Variants in FGD3 observed in about 807,000 individuals in gnomAD.
The protein encoded by FGD3 is FYVE, RhoGEF and PH domain-containing protein 3.
In FGD3, 45 loss-of-function variants were observed where a neutral mutation model predicts 71.8. The ratio of observed to expected loss-of-function variants is 0.63; its 90% CI spans 0.49 to 0.80. FGD3 has a LOEUF of 0.80. Among genes scored for constraint, FGD3 ranks in the 30% least tolerant of loss-of-function variants. FGD3 has a pLI of 0.00. For missense variants in FGD3, 844 were observed against 951.5 expected (o/e 0.89, Z 1.49); for synonymous variants, 378 against 392.8 (o/e 0.96, Z 0.44).
At chr9:93,007,351 A>G (rs1285654855) in intron 6 of FGD3, among the ~76,000 whole-genome samples, 1 of 151,988 alleles carries the variant, frequency 6.6e-6, no homozygotes, top group Non-Finnish European at 1.5e-5. Context: ...CGGCCTCCCA[A>G]AGTGCTAGGA....
At chr9:93,000,050 G>A (rs1376790530) in intron 3 of FGD3, among the ~76,000 whole-genome samples, 1 of 76,898 alleles carries the variant, frequency 1.3e-5, no homozygotes, top group Non-Finnish European at 2.3e-5. Context: ...GTGTTTAATT[G>A]ATTTTTTTTT....
intron 1 of FGD3, among the ~76,000 whole-genome samples, chr9:92,960,064 A>G (rs1859141439): frequency 6.6e-6 from 1 of 150,650 alleles, no homozygotes; most frequent in Non-Finnish European, 1.5e-5. Flanking sequence ...CCATGTCCTC[A>G]TGCCCCATAT....
intron 15 of FGD3, among the ~76,000 whole-genome samples, chr9:93,031,132 T>C (rs1264725099): frequency 6.6e-6 from 1 of 152,042 alleles, no homozygotes; most frequent in Non-Finnish European, 1.5e-5. Flanking sequence ...GATGAATGTA[T>C]GGTAGAGGAT....
chr9:93,032,399 C>T (rs756746601), intron 15 of FGD3: 17 of 211,274 alleles, frequency 8.0e-5, no homozygotes, highest in Non-Finnish European at 1.4e-4. Context: ...TGGAAAATAG[C>T]CATGCTGAGG....
chr9:93,020,640 A>G, intron 13 of FGD3: 1 of 531,262 alleles, frequency 1.9e-6, no homozygotes, highest in Admixed American at 3.1e-5. Flanking sequence ...TGTGGATGGG[A>G]TAACACCCAC....
intron 3 of FGD3, among the ~76,000 whole-genome samples, chr9:92,988,035 T>C (rs1343662913): frequency 1.3e-5 from 2 of 152,118 alleles, no homozygotes; most frequent in Non-Finnish European, 2.9e-5. Context: ...GATTTTTTGC[T>C]CCTTAGTTCA....
chr9:92,990,020 A>G (rs1206594994), intron 3 of FGD3, among the ~76,000 whole-genome samples: 1 of 145,838 alleles, frequency 6.9e-6, no homozygotes, highest in Non-Finnish European at 1.5e-5. Flanking sequence ...TTTTTCAGCT[A>G]GTTTGTTGTT....
At position 93,010,375 on chromosome 9, in the gene FGD3, G is replaced by A. The variant is rs1467026922; in HGVS notation, c.967G>A (p.Asp323Asn). 6.2e-7 allele frequency: 1 copy of A among 1,608,246 alleles called. No homozygotes were observed. The highest frequency in any genetic ancestry group is 8.5e-7 in the Non-Finnish European group (1 of 1,175,760). The part of the protein sequence containing the change: ...RLPQDAPDRK[D>N]AERSLELIST... ...CCCGCAGGACGCCCCAGACCGGAAG[G>A]ATGCGGAGAGTGAGCTGGGGCCAAG... The change falls in exon 7 of 18, where the codon GAT becomes AAT. Residue 323 changes from aspartate to asparagine, a missense_variant. Physicochemically the swap from Asp to Asn is conservative, Grantham distance 23. Transcript: ENST00000375482.
At chr9:93,009,661 A>G (rs929289359) in intron 6 of FGD3, among the ~76,000 whole-genome samples, 5 of 152,210 alleles carry the variant, frequency 3.3e-5, no homozygotes, top group African/African-American at 1.2e-4. Context: ...CATGGCAGCA[A>G]GGAGGTGCTG....
intron 1 of FGD3, among the ~76,000 whole-genome samples, chr9:92,951,616 A>T (rs575411379): frequency 5.2e-4 from 79 of 152,368 alleles, no homozygotes; most frequent in African/African-American, 1.8e-3. Flanking sequence ...TTGAGGCTGC[A>T]GTGAGCTGTG....
chr9:92,989,112 G>A (rs559761723), intron 3 of FGD3, among the ~76,000 whole-genome samples: 13 of 152,202 alleles, frequency 8.5e-5, no homozygotes, highest in Non-Finnish European at 1.6e-4. Flanking sequence ...GTGCAATGGC[G>A]CAGTCTAGGC....
chr9:92,954,739 C>G (rs1303584319), intron 1 of FGD3, among the ~76,000 whole-genome samples: 6 of 152,188 alleles, frequency 3.9e-5, no homozygotes, highest in African/African-American at 1.4e-4. Flanking sequence ...CTCTTACTTC[C>G]AAGCTCTTTA....
Position 93,006,182 on chromosome 9 carries a change from T to C in FGD3, c.837+2T>C, listed in dbSNP as rs766882982. The C allele has an allele frequency of 6.4e-7, 1 of 1,566,844 alleles. No individual in the cohort carries two copies. The highest frequency in any genetic ancestry group is 8.7e-7 in the Non-Finnish European group (1 of 1,153,484). On this transcript the variant is annotated splice_donor_variant, in intron 6 of 17. Coordinates refer to ENST00000375482, the MANE Select transcript of FGD3 (RefSeq NM_001083536.2). LOFTEE classifies it high-confidence loss of function. The stretch of plus-strand genomic sequence containing the variant: ...AAAGACGTCGTCCACAGCATCCAGG[T>C]AAGGCCGGCAGTGGGAGTGTGGACA...
chr9:93,024,815 A>T (rs1454779223), intron 14 of FGD3, among the ~76,000 whole-genome samples: 4 of 152,240 alleles, frequency 2.6e-5, no homozygotes, highest in African/African-American at 9.6e-5. Flanking sequence ...TGGTGCCCTG[A>T]CAGGAGAATG....
At chr9:92,972,590 A>C (rs1314589608) in intron 1 of FGD3, among the ~76,000 whole-genome samples, 3 of 152,184 alleles carry the variant, frequency 2.0e-5, no homozygotes, top group African/African-American at 7.2e-5. Context: ...AAAAGTTTTA[A>C]CTACAAGGAT....
Position 93,015,809 on chromosome 9 carries a change from A to G in FGD3, c.1255A>G (p.Met419Val). 6.2e-7 allele frequency: 1 copy of G among 1,614,146 alleles called. No homozygotes were observed. The highest frequency in any genetic ancestry group is 8.5e-7 in the Non-Finnish European group (1 of 1,180,016). The change falls in exon 10 of 18, where the codon ATG becomes GTG. Residue 419 changes from methionine to valine, a missense_variant. By Grantham distance (21) the Met-to-Val change is conservative (BLOSUM62 1). Coordinates refer to ENST00000375482, the MANE Select transcript of FGD3 (RefSeq NM_001083536.2). Reference protein sequence around the residue: ...MGQKFSVREKMDISGLQVQDI... With the variant: ...MGQKFSVREKVDISGLQVQDI... ...CCAGAAGTTCAGCGTCCGGGAGAAGATGGACATCTCAGGCCTCCAGGTGGG... is the reference window on the plus strand; with the variant it reads ...CCAGAAGTTCAGCGTCCGGGAGAAGGTGGACATCTCAGGCCTCCAGGTGGG...
chr9:93,016,702 C>T (rs1464549118), intron 10 of FGD3, among the ~76,000 whole-genome samples: 8 of 151,326 alleles, frequency 5.3e-5, no homozygotes, highest in Admixed American at 4.6e-4. Context: ...CGGCTCACTG[C>T]GACCTCCACC....
At chr9:93,021,915 C>G (rs1430935132) in intron 13 of FGD3, among the ~76,000 whole-genome samples, 6 of 152,206 alleles carry the variant, frequency 3.9e-5, no homozygotes, top group Non-Finnish European at 8.8e-5. Context: ...CAAGCCCTTT[C>G]TGTTCAGAGG....
At chr9:92,951,636 C>T (rs1858956166) in intron 1 of FGD3, among the ~76,000 whole-genome samples, 1 of 152,214 alleles carries the variant, frequency 6.6e-6, no homozygotes, top group Non-Finnish European at 1.5e-5. Flanking sequence ...GATTGTGCCA[C>T]TGCACTCTAG....
Sources: allele counts gnomAD v4.1 joint callset (sites outside exome capture counted in the v4.1 genomes callset), GRCh38; gene constraint gnomAD v4.1.1; transcripts MANE v1.5; gene names NCBI Gene and HGNC (gene_info 2026-07-23, HGNC 2026-07-21).